The following ROBO1 variants were observed in gnomAD, a reference collection of about 807,000 sequenced individuals.
ROBO1 encodes roundabout guidance receptor 1.
ROBO1 carries 149 observed loss-of-function variants against 195.9 expected under a neutral mutation model. The observed-to-expected ratio is 0.76, with a 90% CI of 0.67 to 0.87. The LOEUF (loss-of-function observed/expected upper bound fraction) is 0.87. ROBO1 is among the 40% of genes least tolerant of loss of function. The probability of loss-of-function intolerance (pLI) is 0.00; values close to 1 mark genes in which losing one functional copy is unlikely to be tolerated. For missense variants in ROBO1, 1,933 were observed against 2,068.3 expected, an observed-to-expected ratio of 0.93 and a Z score of 1.27; for synonymous variants, 816 against 733.2, an observed-to-expected ratio of 1.11 and a Z score of -1.82.
chr3:79,208,695 G>A (rs975225618), intron 2 of ROBO1, among the ~76,000 whole-genome samples: 12 of 151,210 alleles, frequency 7.9e-5, no homozygotes, highest in African/African-American at 2.7e-4. Context: ...GCATGTGTGT[G>A]TGTGTGTGTG....
intron 4 of ROBO1, among the ~76,000 whole-genome samples, chr3:78,777,661 A>G (rs2083544584): frequency 1.3e-5 from 2 of 152,292 alleles, no homozygotes; most frequent in Non-Finnish European, 2.9e-5. Context: ...AGCCAAAACA[A>G]AAAGTTTGGC....
chr3:79,120,759 C>G (rs867115291), intron 3 of ROBO1, among the ~76,000 whole-genome samples: 2 of 151,936 alleles, frequency 1.3e-5, no homozygotes, highest in South Asian at 4.1e-4. Flanking sequence ...AAAAAATAAT[C>G]AATTGTATAC....
rs879661285 is a variant in ROBO1, at chr3:78,606,809, C to G, written c.4668G>C (p.Gln1556His). The change falls in exon 29 of 31, where the codon CAG (glutamine) becomes CAC (histidine). Residue 1556 changes from glutamine (Q) to histidine (H), a missense_variant. This residue lies in a region of ROBO1 where 1,737 missense variants were observed against 1,882.5 expected (regional missense o/e 0.92). Coordinates refer to ENST00000464233, the MANE Select transcript of ROBO1 (RefSeq NM_002941.4). ...TTCCACGTCCTTTCCCGTCATTTTG[C>G]TGTTCCTGTGCTTCTCTGGGATCAC... Reference protein sequence around the residue: ...NPGDPREAQEQQNDGKGRGNK... With the variant: ...NPGDPREAQEHQNDGKGRGNK... The G allele has an allele frequency of 4.3e-6, 7 of 1,613,804 alleles. No individual in the cohort carries two copies. Among genetic ancestry groups the G allele is most frequent in the Non-Finnish European group, 5.9e-6 (7 of 1,179,884 alleles).
chr3:79,089,060 A>G (rs2079428189), intron 3 of ROBO1, among the ~76,000 whole-genome samples: 1 of 152,154 alleles, frequency 6.6e-6, no homozygotes, highest in South Asian at 2.1e-4. Context: ...TATTTTTAAC[A>G]TACTTAGTTT....
chr3:78,837,439 G>A (rs1019692973), intron 4 of ROBO1, among the ~76,000 whole-genome samples: 5 of 151,998 alleles, frequency 3.3e-5, no homozygotes, highest in African/African-American at 1.2e-4. Context: ...TGCTTAAAAT[G>A]ATTTAAAATA....
rs528246561 is a variant in ROBO1, at chr3:78,885,260, G to C, written c.499+53341C>G. On this transcript the variant is annotated intron_variant, in intron 4 of 30. Coordinates refer to ENST00000464233, the MANE Select transcript of ROBO1 (RefSeq NM_002941.4). ...AAAACACACAGTGGGGTCTCTTGTG[G>C]GGTGGAGGGTGGAAGGAGGAAGAGG... Among the ~76,000 whole-genome samples, 3 of 151,872 alleles carry C rather than the reference G, an allele frequency of 2.0e-5. No individual in the cohort carries two copies. The South Asian group carries it at 6.2e-4, about 32-fold the overall frequency.
intron 2 of ROBO1, among the ~76,000 whole-genome samples, chr3:79,538,280 A>G (rs1307805055): frequency 1.3e-5 from 2 of 152,152 alleles, no homozygotes; most frequent in East Asian, 3.8e-4. Flanking sequence ...ACAATGACCA[A>G]TATTGTATAG....
intron 8 of ROBO1, among the ~76,000 whole-genome samples, chr3:78,693,782 C>G (rs193203839): frequency 6.6e-6 from 1 of 152,260 alleles, no homozygotes; most frequent in Admixed American, 6.5e-5. Context: ...TTAAATCCCA[C>G]AACTCCATCA....
chr3:78,985,316 A>G (rs997871977), intron 3 of ROBO1, among the ~76,000 whole-genome samples: 13 of 151,876 alleles, frequency 8.6e-5, no homozygotes, highest in African/African-American at 3.2e-4. Flanking sequence ...TAATAATAAT[A>G]TTTTCTTTCT....
intron 2 of ROBO1, among the ~76,000 whole-genome samples, chr3:79,415,434 A>G (rs1223749656): frequency 6.6e-6 from 1 of 152,128 alleles, no homozygotes; most frequent in Admixed American, 6.6e-5. Context: ...CAGAGAAATG[A>G]AGAATAAATA....
chr3:78,904,113 A>G (rs2037750934), intron 4 of ROBO1, among the ~76,000 whole-genome samples: 1 of 151,696 alleles, frequency 6.6e-6, no homozygotes. Context: ...TTATTAGTGT[A>G]TGTATATATA....
chr3:79,234,225 ATTGCTT>A (rs765274822), intron 2 of ROBO1, among the ~76,000 whole-genome samples: 7 of 152,060 alleles, frequency 4.6e-5, no homozygotes, highest in Non-Finnish European at 1.0e-4. Flanking sequence ...TTTTGTTGCA[ATTGCTT>A]TTGAAGACTT....
At chr3:79,277,240 G>A (rs1487553093) in intron 2 of ROBO1, among the ~76,000 whole-genome samples, 1 of 151,982 alleles carries the variant, frequency 6.6e-6, no homozygotes, top group Non-Finnish European at 1.5e-5. Flanking sequence ...ACAAATGAAT[G>A]CATAAAGAAA....
At chr3:79,102,104 A>G (rs2079687154) in intron 3 of ROBO1, among the ~76,000 whole-genome samples, 2 of 151,794 alleles carry the variant, frequency 1.3e-5, no homozygotes, top group African/African-American at 4.8e-5. Context: ...ATTATCTATA[A>G]AAGTGCACAT....
chr3:79,720,691 C>G (rs1438450208), intron 1 of ROBO1, among the ~76,000 whole-genome samples: 1 of 151,590 alleles, frequency 6.6e-6, no homozygotes, highest in Non-Finnish European at 1.5e-5. Flanking sequence ...TCATAATGTT[C>G]TTTGGAAATA....
intron 2 of ROBO1, among the ~76,000 whole-genome samples, chr3:79,232,772 G>T (rs960577402): frequency 1.2e-4 from 19 of 152,068 alleles, no homozygotes; most frequent in Non-Finnish European, 2.4e-4. Flanking sequence ...CAAATCTGAT[G>T]AATATTTCAA....
intron 2 of ROBO1, among the ~76,000 whole-genome samples, chr3:79,265,718 A>G (rs115561103): frequency 0.029 from 4,394 of 151,592 alleles, 186 homozygotes; most frequent in African/African-American, 0.095. Flanking sequence ...AGAAACCAAT[A>G]TATAATAGAA....
chr3:78,609,641 C>T (rs560014865), intron 28 of ROBO1, among the ~76,000 whole-genome samples: 40 of 152,288 alleles, frequency 2.6e-4, no homozygotes, highest in African/African-American at 8.9e-4. Context: ...GACTACATCA[C>T]TATTTTTTAG....
At chr3:78,677,108 T>C (rs1026959663) in intron 10 of ROBO1, among the ~76,000 whole-genome samples, 1 of 151,636 alleles carries the variant, frequency 6.6e-6, no homozygotes, top group African/African-American at 2.4e-5. Context: ...TAAAATACTT[T>C]AGACAAGCAA....
Sources: gnomAD v4.1 joint callset for allele counts (sites outside exome capture counted in the v4.1 genomes callset) on GRCh38, gnomAD v4.1.1 for gene constraint, gnomAD v4.1.1 regional missense constraint, MANE v1.5 for transcripts, NCBI Gene and HGNC (gene_info 2026-07-23, HGNC 2026-07-21) for gene names.